Variants in AOPEP observed in about 807,000 individuals in gnomAD.
AOPEP encodes the protein aminopeptidase O.
AOPEP carries 77 observed loss-of-function variants against 98.1 expected under a neutral mutation model. That is an observed-to-expected ratio of 0.78 (90% CI 0.65 to 0.95). The LOEUF (loss-of-function observed/expected upper bound fraction) is 0.95. AOPEP is among the 40% of genes least tolerant of loss of function. AOPEP has a pLI of 0.00. For synonymous variants in AOPEP, 346 were observed against 365.3 expected, an observed-to-expected ratio of 0.95 and a Z score of 0.60; for missense variants, 1,024 against 1,024.7, an observed-to-expected ratio of 1.00 and a Z score of 0.01.
At position 94,912,492 on chromosome 9, in the gene AOPEP, GT is replaced by G. The variant is rs575205378; in HGVS notation, c.1365-11492del. On this transcript the variant is annotated intron_variant, in intron 5 of 16. Coordinates refer to ENST00000375315, the MANE Select transcript of AOPEP (RefSeq NM_001193329.3). ...CGTTATCTCTTCCTAAAGTATTTGCGTTCTAAAAGATGACCTAAGTGATGAC... is the reference window on the plus strand; with the variant it reads ...CGTTATCTCTTCCTAAAGTATTTGCGTCTAAAAGATGACCTAAGTGATGAC... Among the ~76,000 whole-genome samples, 9 of 152,212 alleles carry G rather than the reference GT, an allele frequency of 5.9e-5. No homozygotes were observed. The South Asian group carries it at 1.7e-3, about 28-fold the overall frequency.
intron 5 of AOPEP, among the ~76,000 whole-genome samples, chr9:94,881,246 A>ATTT (rs71366267): frequency 6.9e-6 from 1 of 145,060 alleles, no homozygotes; most frequent in Non-Finnish European, 1.5e-5. Flanking sequence ...TGCTGCTTCT[A>ATTT]TTTTTTTTTT....
intron 14 of AOPEP, among the ~76,000 whole-genome samples, chr9:95,077,623 C>T (rs1245332682): frequency 6.6e-6 from 1 of 152,200 alleles, no homozygotes; most frequent in Non-Finnish European, 1.5e-5. Flanking sequence ...AACTCTGTGG[C>T]CCCACCTCTC....
chr9:95,063,491 G>T (rs931977660), intron 14 of AOPEP, among the ~76,000 whole-genome samples: 1 of 152,138 alleles, frequency 6.6e-6, no homozygotes, highest in Admixed American at 6.5e-5. Flanking sequence ...TCCACTGAGC[G>T]CTTTCAGATC....
At chr9:95,033,514 A>AC (rs1458315181) in intron 13 of AOPEP, among the ~76,000 whole-genome samples, 1 of 152,204 alleles carries the variant, frequency 6.6e-6, no homozygotes, top group Admixed American at 6.5e-5. Context: ...CTTCATGTTT[A>AC]GAAAGGTTCC....
intron 5 of AOPEP, among the ~76,000 whole-genome samples, chr9:94,823,955 G>A (rs1396667058): frequency 3.9e-5 from 6 of 152,130 alleles, no homozygotes; most frequent in Non-Finnish European, 7.3e-5. Context: ...GCAGTCCCTG[G>A]CATGGAAGTG....
intron 5 of AOPEP, among the ~76,000 whole-genome samples, chr9:94,805,010 G>C (rs1047439836): frequency 1.3e-5 from 2 of 152,174 alleles, no homozygotes; most frequent in African/African-American, 4.8e-5. Context: ...GGAGTAGAAT[G>C]AAGGCCAGGA....
intron 5 of AOPEP, among the ~76,000 whole-genome samples, chr9:94,865,490 G>A (rs2045604876): frequency 6.6e-6 from 1 of 152,172 alleles, no homozygotes; most frequent in South Asian, 2.1e-4. Context: ...TTGAAATGCT[G>A]CATTTCAGTC....
At chr9:95,009,414 T>G (rs1327666043) in intron 13 of AOPEP, among the ~76,000 whole-genome samples, 1 of 152,150 alleles carries the variant, frequency 6.6e-6, no homozygotes, top group East Asian at 1.9e-4. Flanking sequence ...ATGATTCCTT[T>G]AGAGGAAGAA....
the AOPEP span, among the ~76,000 whole-genome samples, chr9:95,092,196 C>T: frequency 6.6e-6 from 1 of 152,298 alleles, no homozygotes; most frequent in East Asian, 1.9e-4. Flanking sequence ...AGGAACCAGA[C>T]CGGTCCCTGC....
In AOPEP at chr9:94,792,934, C is replaced by T; in HGVS notation, c.1118+16C>T. Reference sequence around the variant, plus strand: ...CCAACTTCAGGTTTGTGTTTGGGGACTTGCTGGGAAGGAAAAAAAAAAAAA... The same window carrying T: ...CCAACTTCAGGTTTGTGTTTGGGGATTTGCTGGGAAGGAAAAAAAAAAAAA... On this transcript the variant is annotated intron_variant, in intron 4 of 16. Transcript: ENST00000375315. The T allele has an allele frequency of 6.5e-7, 1 of 1,548,278 alleles. No homozygotes were observed. Among genetic ancestry groups the T allele is most frequent in the Non-Finnish European group, 8.7e-7 (1 of 1,146,232 alleles).
At chr9:94,836,189 C>T (rs2041582759) in intron 5 of AOPEP, among the ~76,000 whole-genome samples, 1 of 152,126 alleles carries the variant, frequency 6.6e-6, no homozygotes. Flanking sequence ...CTCCTATAAA[C>T]AGTCATAGCA....
At chr9:95,073,074 T>TC (rs1249723674) in intron 14 of AOPEP, among the ~76,000 whole-genome samples, 6 of 152,198 alleles carry the variant, frequency 3.9e-5, no homozygotes, top group African/African-American at 9.6e-5. Flanking sequence ...TGGGTCTCCC[T>TC]CCCAGGAGAT....
In AOPEP at chr9:94,791,495, C is replaced by A. The variant is rs1845706825; in HGVS notation, c.965-1270C>A. ...CTAGCCTGAGCAACATAGTGAGAACCTGTCTCTCAAAAAAAAAAAAAATGT... is the reference window on the plus strand; with the variant it reads ...CTAGCCTGAGCAACATAGTGAGAACATGTCTCTCAAAAAAAAAAAAAATGT... On this transcript the variant is annotated intron_variant, in intron 3 of 16. Transcript: ENST00000375315. 2.0e-5 allele frequency among the ~76,000 whole-genome samples: 3 copies of A among 147,100 alleles called. No individual in the cohort carries two copies. The South Asian group carries it at 6.5e-4, about 32-fold the overall frequency.
intron 13 of AOPEP, among the ~76,000 whole-genome samples, chr9:95,006,962 C>T (rs1290416913): frequency 2.7e-5 from 4 of 146,532 alleles, no homozygotes; most frequent in African/African-American, 1.0e-4. Flanking sequence ...AGTGCAGTGG[C>T]GTGATCTCGG....
At chr9:94,914,788 C>T (rs1007267203) in intron 5 of AOPEP, among the ~76,000 whole-genome samples, 5 of 152,138 alleles carry the variant, frequency 3.3e-5, no homozygotes, top group Non-Finnish European at 4.4e-5. Flanking sequence ...TAGCATTACC[C>T]GGGAACTTCA....
chr9:95,065,233 C>T (rs960689104), intron 14 of AOPEP: 1 of 152,240 alleles, frequency 6.6e-6, no homozygotes, highest in Non-Finnish European at 1.5e-5. Context: ...CTTAGAAGTC[C>T]TTCCTCTTGT....
chr9:95,044,937 C>G (rs961017134), intron 13 of AOPEP, among the ~76,000 whole-genome samples: 13 of 152,172 alleles, frequency 8.5e-5, no homozygotes, highest in African/African-American at 3.1e-4. Flanking sequence ...GTCAGTCCCT[C>G]TCGGCACACA....
At chr9:94,738,821 G>T (rs1051917732) in intron 1 of AOPEP, among the ~76,000 whole-genome samples, 4 of 152,268 alleles carry the variant, frequency 2.6e-5, no homozygotes, top group Non-Finnish European at 5.9e-5. Flanking sequence ...TGATCCGCCC[G>T]CCTCAGCCTC....
intron 13 of AOPEP, among the ~76,000 whole-genome samples, chr9:95,014,670 A>G (rs1395475944): frequency 6.6e-6 from 1 of 152,182 alleles, no homozygotes; most frequent in South Asian, 2.1e-4. Flanking sequence ...ACTGGATTGA[A>G]GGAAGTGGCG....
Sources: gnomAD v4.1 joint callset for allele counts (sites outside exome capture counted in the v4.1 genomes callset) on GRCh38, gnomAD v4.1.1 for gene constraint, MANE v1.5 for transcripts, NCBI Gene and HGNC (gene_info 2026-07-23, HGNC 2026-07-21) for gene names.